Variants in PDE1A observed in about 807,000 individuals in gnomAD.
PDE1A encodes phosphodiesterase 1A, also known as dual specificity calcium/calmodulin-dependent 3',5'-cyclic nucleotide phosphodiesterase 1A.
Under a neutral mutation model 61.7 loss-of-function variants are expected in PDE1A, and 35 were observed. That is an observed-to-expected ratio of 0.57 (90% CI 0.43 to 0.75). The LOEUF (loss-of-function observed/expected upper bound fraction) is 0.75. PDE1A is among the 30% of genes least tolerant of loss of function. The pLI, the probability that PDE1A is intolerant of heterozygous loss-of-function variation, is 0.00. For synonymous variants in PDE1A, 232 were observed against 213.2 expected, an observed-to-expected ratio of 1.09 and a Z score of -0.77; for missense variants, 597 against 630.6, an observed-to-expected ratio of 0.95 and a Z score of 0.57.
intron 13 of PDE1A, among the ~76,000 whole-genome samples, chr2:182,172,310 GT>G (rs1465616804): frequency 2.0e-5 from 3 of 151,978 alleles, no homozygotes; most frequent in African/African-American, 7.2e-5. Flanking sequence ...CAGCCCATGA[GT>G]TCTGCTCTCA....
chr2:182,439,048 G>A (rs1343342879), intron 2 of PDE1A, among the ~76,000 whole-genome samples: 3 of 152,022 alleles, frequency 2.0e-5, no homozygotes, highest in South Asian at 4.1e-4. Flanking sequence ...ATAGGTTATA[G>A]TGCATAATAA....
At chr2:182,324,678 C>T (rs1036528054) in intron 1 of PDE1A, among the ~76,000 whole-genome samples, 6 of 152,164 alleles carry the variant, frequency 3.9e-5, no homozygotes, top group African/African-American at 7.2e-5. Flanking sequence ...GGGTAGCACA[C>T]GCTCATCCCA....
At chr2:182,627,352 AT>A in the PDE1A span, among the ~76,000 whole-genome samples, 5 of 118,700 alleles carry the variant, frequency 4.2e-5, no homozygotes, top group East Asian at 8.7e-4. Flanking sequence ...AATATATAAA[AT>A]ATAATATATA....
intron 2 of PDE1A, among the ~76,000 whole-genome samples, chr2:182,461,154 G>A (rs184376026): frequency 3.0e-4 from 45 of 152,198 alleles, no homozygotes; most frequent in Admixed American, 2.9e-3. Context: ...GAGTTCTGAG[G>A]TGTATTCGTT....
chr2:182,207,442 T>G (rs1354115267), intron 7 of PDE1A, among the ~76,000 whole-genome samples: 1 of 152,216 alleles, frequency 6.6e-6, no homozygotes, highest in Non-Finnish European at 1.5e-5. Flanking sequence ...GGGTATCCGG[T>G]GAAAGCAATG....
intron 2 of PDE1A, among the ~76,000 whole-genome samples, chr2:182,482,521 T>A (rs1239158618): frequency 1.3e-5 from 2 of 150,334 alleles, no homozygotes; most frequent in Non-Finnish European, 1.5e-5. Context: ...AAAAAAAAAA[T>A]GAAAATAGCT....
intron 1 of PDE1A, among the ~76,000 whole-genome samples, chr2:182,265,291 A>C (rs1183505713): frequency 6.6e-6 from 1 of 152,060 alleles, no homozygotes; most frequent in East Asian, 1.9e-4. Flanking sequence ...AAATTAAAAG[A>C]AGACTTCATA....
At chr2:182,229,097 T>C (rs1689363462) in intron 6 of PDE1A, among the ~76,000 whole-genome samples, 1 of 152,138 alleles carries the variant, frequency 6.6e-6, no homozygotes, top group South Asian at 2.1e-4. Context: ...CCAATTAATA[T>C]GACACCCACA....
intron 1 of PDE1A, among the ~76,000 whole-genome samples, chr2:182,348,181 G>T (rs1698635462): frequency 6.6e-6 from 1 of 152,094 alleles, no homozygotes; most frequent in South Asian, 2.1e-4. Context: ...TTAAGGATTT[G>T]CTTTATGTTA....
the PDE1A span, among the ~76,000 whole-genome samples, chr2:182,584,111 T>C: frequency 6.3e-3 from 961 of 152,090 alleles, 15 homozygotes; most frequent in African/African-American, 0.022. Context: ...CCACAAGGAG[T>C]TGCAGAGAGA....
At chr2:182,628,924 G>C in the PDE1A span, among the ~76,000 whole-genome samples, 12 of 152,112 alleles carry the variant, frequency 7.9e-5, no homozygotes, top group African/African-American at 2.7e-4. Context: ...GGTATGGGAT[G>C]TCAGTCTTGT....
rs149338694 is a variant in PDE1A at position 182,358,508 on chromosome 2, C to T, written c.53+68070G>A. 2.6e-5 allele frequency among the ~76,000 whole-genome samples: 4 copies of T among 152,240 alleles called. No individual in the cohort carries two copies. In the East Asian group the frequency reaches 7.7e-4, roughly 29 times the overall value. On this transcript the variant is annotated intron_variant, in intron 1 of 13. Coordinates refer to ENST00000351439, the Ensembl canonical transcript of PDE1A. ...TTATCTATTATCTTCTTTTCCTAGA[C>T]ACCGTGTTTTTCTCCATTGGTATCA...
the PDE1A span, among the ~76,000 whole-genome samples, chr2:182,705,949 A>G: frequency 6.6e-6 from 1 of 152,262 alleles, no homozygotes; most frequent in Non-Finnish European, 1.5e-5. Flanking sequence ...TAAATGATTT[A>G]CTGCTAGTGA....
At chr2:182,163,099 A>G (rs1410748778), downstream of PDE1A, among the ~76,000 whole-genome samples, 1 of 152,104 alleles carries the variant, frequency 6.6e-6, no homozygotes, top group African/African-American at 2.4e-5. Context: ...CAACTCTCCT[A>G]TTTGGCTTGT....
At chr2:182,252,942 C>G (rs148203534) in intron 2 of PDE1A, among the ~76,000 whole-genome samples, 12 of 152,272 alleles carry the variant, frequency 7.9e-5, no homozygotes, top group African/African-American at 2.9e-4. Flanking sequence ...AAAGAATGTA[C>G]AAACATCTTT....
rs192959887 is a variant in PDE1A, at chr2:182,492,863, A to C, written c.101+29413T>G. On this transcript the variant is annotated intron_variant, in intron 2 of 14. Coordinates refer to the PDE1A transcript ENST00000410103. ...AAAGATTCTGTGACAAGAGATATCC[A>C]CATACTAAAAAGTCATTGGCACTTC... Among the ~76,000 whole-genome samples, 46 of 152,330 alleles carry C rather than the reference A, an allele frequency of 3.0e-4. No homozygotes were observed. In the East Asian group the frequency reaches 8.9e-3, roughly 29 times the overall value.
upstream of PDE1A, among the ~76,000 whole-genome samples, chr2:182,527,220 A>C (rs1690784809): frequency 6.8e-6 from 1 of 146,714 alleles, no homozygotes; most frequent in Non-Finnish European, 1.5e-5. Context: ...TAAACCCAGC[A>C]CTTTGGGAGG....
chr2:182,242,137 A>G, intron 2 of PDE1A: 1 of 1,162,880 alleles, frequency 8.6e-7, no homozygotes, highest in Non-Finnish European at 1.1e-6. Flanking sequence ...TCTCCTTAGA[A>G]TGACAGAAAC....
chr2:182,453,766 C>T (rs1685694430), intron 2 of PDE1A, among the ~76,000 whole-genome samples: 2 of 152,096 alleles, frequency 1.3e-5, no homozygotes. Context: ...TGGGATGTAT[C>T]TCAAAATAAT....
Sources: gnomAD v4.1 joint callset for allele counts (sites outside exome capture counted in the v4.1 genomes callset) on GRCh38, gnomAD v4.1.1 for gene constraint, MANE v1.5 for transcripts, NCBI Gene and HGNC (gene_info 2026-07-23, HGNC 2026-07-21) for gene names.